MERTK: variants seen among roughly 807,000 people sequenced by gnomAD.
The protein encoded by MERTK is MER proto-oncogene, tyrosine kinase, also known as tyrosine-protein kinase Mer.
Under a neutral mutation model 99.3 loss-of-function variants are expected in MERTK, and 69 were observed. That is an observed-to-expected ratio of 0.70 (90% CI 0.57 to 0.85). The LOEUF is 0.85. Ranked by LOEUF, MERTK falls within the 40% of genes least tolerant of loss-of-function variation. The pLI is 0.00. For missense variants in MERTK, 1,125 were observed against 1,249.4 expected (o/e 0.90, Z 1.50); for synonymous variants, 426 against 467.6 (o/e 0.91, Z 1.15).
intron 1 of MERTK, among the ~76,000 whole-genome samples, chr2:111,901,969 C>A: frequency 6.6e-6 from 1 of 152,108 alleles, no homozygotes; most frequent in Non-Finnish European, 1.5e-5. Flanking sequence ...ACCGCAACTT[C>A]CCGCCTCCCG....
intron 1 of MERTK, among the ~76,000 whole-genome samples, chr2:111,919,793 T>C (rs908345754): frequency 2.7e-5 from 4 of 147,146 alleles, no homozygotes; most frequent in African/African-American, 1.0e-4. Context: ...TTTTTCTTTT[T>C]CTTTTCTTTT....
intron 10 of MERTK, among the ~76,000 whole-genome samples, chr2:112,000,141 G>A (rs141521818): frequency 0.015 from 2,350 of 152,276 alleles, 48 homozygotes; most frequent in African/African-American, 0.04. Flanking sequence ...GCAGGAACTG[G>A]CTATTTTCAC....
intron 18 of MERTK, among the ~76,000 whole-genome samples, chr2:112,023,283 G>A (rs553226462): frequency 3.3e-5 from 5 of 152,024 alleles, no homozygotes; most frequent in African/African-American, 7.2e-5. Context: ...GTGTGGTGGC[G>A]GGCGCCTGTA....
intron 8 of MERTK, among the ~76,000 whole-genome samples, chr2:111,991,792 C>T (rs556158715): frequency 5.3e-5 from 8 of 152,116 alleles, no homozygotes; most frequent in African/African-American, 1.9e-4. Context: ...CTTTCCATCC[C>T]GGGGTCCTGG....
intron 10 of MERTK, 51 bp from the exon 11 acceptor site, chr2:112,001,150 C>A: frequency 7.1e-7 from 1 of 1,401,926 alleles, no homozygotes; most frequent in Non-Finnish European, 1.0e-6. Context: ...TCAGTGCCTG[C>A]CCCAGTAGCC....
At chr2:112,012,874 C>T (rs1393565852) in intron 15 of MERTK, among the ~76,000 whole-genome samples, 1 of 152,046 alleles carries the variant, frequency 6.6e-6, no homozygotes, top group African/African-American at 2.4e-5. Flanking sequence ...TAGAAACAGC[C>T]CTTTATTTAA....
intron 4 of MERTK, among the ~76,000 whole-genome samples, chr2:111,964,055 TGCTC>T (rs1685310669): frequency 6.8e-6 from 1 of 146,890 alleles, no homozygotes; most frequent in South Asian, 2.2e-4. Context: ...TTTTTTTTTT[TGCTC>T]TTTCCATAAT....
intron 2 of MERTK, among the ~76,000 whole-genome samples, chr2:111,944,749 C>G (rs1363340084): frequency 3.3e-5 from 5 of 152,184 alleles, no homozygotes; most frequent in Non-Finnish European, 7.3e-5. Flanking sequence ...TCAAAGGCTG[C>G]TGCTTTAAAT....
At chr2:111,979,934 C>T (rs1168609875) in intron 7 of MERTK, among the ~76,000 whole-genome samples, 1 of 152,078 alleles carries the variant, frequency 6.6e-6, no homozygotes, top group Non-Finnish European at 1.5e-5. Flanking sequence ...TTCGCCAGAC[C>T]TCTGCTAATT....
At chr2:111,953,783 C>A (rs959265321) in intron 4 of MERTK, among the ~76,000 whole-genome samples, 2 of 152,184 alleles carry the variant, frequency 1.3e-5, no homozygotes, top group Non-Finnish European at 2.9e-5. Context: ...CCATGTTGGC[C>A]AGGCTAGTCT....
chr2:111,940,502 A>G lies in MERTK; in HGVS notation c.483-4458A>G, dbSNP rs139174874. 256 of 588,810 alleles carry G rather than the reference A, an allele frequency of 4.3e-4. 3 individuals carry two copies. In the East Asian group the frequency reaches 8.4e-3, roughly 19 times the overall value. 36.5% of individuals were successfully genotyped at this position (588,810 alleles called of 1,614,324 possible). ...ATATGTTTGTCTAAAGCAACAGGCA[A>G]GCCCTCTTTTGTTTGATTTGCTTTA... is the stretch of plus-strand genomic sequence containing the variant. On this transcript the variant is annotated intron_variant, in intron 2 of 18. Coordinates refer to ENST00000295408, the MANE Select transcript of MERTK (RefSeq NM_006343.3).
At chr2:111,999,106 T>A (rs960793487) in intron 10 of MERTK, among the ~76,000 whole-genome samples, 1 of 152,190 alleles carries the variant, frequency 6.6e-6, no homozygotes, top group Non-Finnish European at 1.5e-5. Flanking sequence ...CATACGTCTT[T>A]CCAAGTGCTT....
At chr2:112,000,693 C>G (rs913062161) in intron 10 of MERTK, among the ~76,000 whole-genome samples, 1 of 152,104 alleles carries the variant, frequency 6.6e-6, no homozygotes, top group African/African-American at 2.4e-5. Flanking sequence ...CTGGGTTTCT[C>G]TACCATGAAG....
intron 2 of MERTK, among the ~76,000 whole-genome samples, chr2:111,936,160 C>G (rs1684761864): frequency 6.6e-6 from 1 of 152,130 alleles, no homozygotes; most frequent in Non-Finnish European, 1.5e-5. Flanking sequence ...TCATGATCTG[C>G]CCGCCTCGGC....
rs145468033 is a variant in MERTK at position 111,920,958 on chromosome 2, T to C, written c.62-8162T>C. Among the ~76,000 whole-genome samples, 1,080 of 152,308 alleles carry C rather than the reference T, an allele frequency of 7.1e-3. 2 individuals are homozygous for C. The highest frequency in any genetic ancestry group is 0.012 in the Non-Finnish European group (820 of 68,022). ...GGCGTGAGCCACTGCGACTGGCCACTACACTTTATCAATCAGGAATCCTTT... is the reference window on the plus strand; with the variant it reads ...GGCGTGAGCCACTGCGACTGGCCACCACACTTTATCAATCAGGAATCCTTT... On this transcript the variant is annotated intron_variant, in intron 1 of 18. Transcript: ENST00000295408.
intron 4 of MERTK, among the ~76,000 whole-genome samples, chr2:111,949,038 C>G (rs893983216): frequency 1.3e-5 from 2 of 151,922 alleles, no homozygotes; most frequent in Admixed American, 6.6e-5. Flanking sequence ...TCCTTCCTGC[C>G]TCAGGACCTT....
intron 4 of MERTK, among the ~76,000 whole-genome samples, chr2:111,963,381 C>T (rs905742437): frequency 8.5e-5 from 13 of 152,224 alleles, no homozygotes; most frequent in African/African-American, 3.1e-4. Flanking sequence ...CTCCTCAGCA[C>T]AGATCCTTTA....
At position 111,965,178 on chromosome 2, in the gene MERTK, C is replaced by G; in HGVS notation, c.758-13C>G. 1 of 1,613,492 alleles carries G rather than the reference C, an allele frequency of 6.2e-7. No individual in the cohort carries two copies. Among genetic ancestry groups the G allele is most frequent in the Non-Finnish European group, 8.5e-7 (1 of 1,179,398 alleles). ...TCTCTGCTGCTGGTCTCATGAGTCT[C>G]CTTCCATTCCAGGCCTGACGGAGAT... On this transcript the variant is annotated splice_polypyrimidine_tract_variant and intron_variant, in intron 4 of 18. Coordinates refer to ENST00000295408, the MANE Select transcript of MERTK (RefSeq NM_006343.3).
rs141021462 is a variant in MERTK at position 112,006,475 on chromosome 2, T to C, written c.1868-1908T>C. Among the ~76,000 whole-genome samples the C allele has an allele frequency of 2.1e-4, 32 of 152,238 alleles. No individual in the cohort carries two copies. In the East Asian group the frequency reaches 5.0e-3, roughly 24 times the overall value. ...TATTCTGCACTGTTCCTGCCTCTTG[T>C]ATGATTTTATCTGAGCCTCACAGTG... On this transcript the variant is annotated intron_variant, in intron 13 of 18. Coordinates refer to ENST00000295408, the MANE Select transcript of MERTK (RefSeq NM_006343.3).
Sources: allele counts gnomAD v4.1 joint callset (sites outside exome capture counted in the v4.1 genomes callset), GRCh38; gene constraint gnomAD v4.1.1; transcripts MANE v1.5; gene names NCBI Gene and HGNC (gene_info 2026-07-23, HGNC 2026-07-21).